The following EEPD1 variants were observed in gnomAD, a reference collection of about 807,000 sequenced individuals.
EEPD1 encodes the protein endonuclease/exonuclease/phosphatase family domain-containing protein 1.
Under a neutral mutation model 46.3 loss-of-function variants are expected in EEPD1, and 17 were observed. That is an observed-to-expected ratio of 0.37 (90% confidence interval 0.25 to 0.55). The LOEUF is 0.55. Ranked by LOEUF, EEPD1 falls within the 20% of genes least tolerant of loss-of-function variation. The pLI is 0.83. For missense variants in EEPD1, 673 were observed against 745.6 expected, an observed-to-expected ratio of 0.90 and a Z score of 1.13; for synonymous variants, 313 against 315.6, an observed-to-expected ratio of 0.99 and a Z score of 0.09.
chr7:36,183,739 A>G (rs1340808314), intron 2 of EEPD1, among the ~76,000 whole-genome samples: 2 of 152,058 alleles, frequency 1.3e-5, no homozygotes, highest in East Asian at 1.9e-4. Flanking sequence ...GTCTCAAACA[A>G]TCTTCCCACC....
At chr7:36,270,971 T>G (rs1755250818) in intron 3 of EEPD1, among the ~76,000 whole-genome samples, 1 of 140,916 alleles carries the variant, frequency 7.1e-6, no homozygotes. Flanking sequence ...AGCTATTGTT[T>G]CCTTTTTATT....
intron 5 of EEPD1, among the ~76,000 whole-genome samples, chr7:36,286,556 C>T (rs1787345188): frequency 6.6e-6 from 1 of 152,230 alleles, no homozygotes; most frequent in Admixed American, 6.5e-5. Context: ...AAACTCTGAC[C>T]CTGTGTTTCT....
chr7:36,185,378 C>G (rs1785347163), intron 2 of EEPD1, among the ~76,000 whole-genome samples: 1 of 152,210 alleles, frequency 6.6e-6, no homozygotes, highest in South Asian at 2.1e-4. Flanking sequence ...GGGTATCCCA[C>G]AGTTTACTTA....
chr7:36,232,944 G>A (rs565756697), intron 2 of EEPD1, among the ~76,000 whole-genome samples: 1 of 152,232 alleles, frequency 6.6e-6, no homozygotes, highest in East Asian at 1.9e-4. Flanking sequence ...ATAGTAGGGA[G>A]AAAAATAGAG....
chr7:36,174,519 C>T (rs1785143143), intron 2 of EEPD1, among the ~76,000 whole-genome samples: 1 of 152,202 alleles, frequency 6.6e-6, no homozygotes, highest in Non-Finnish European at 1.5e-5. Flanking sequence ...ATTACTGCCT[C>T]CCTACCCATG....
chr7:36,207,437 G>C (rs763319119), intron 2 of EEPD1, among the ~76,000 whole-genome samples: 10 of 152,138 alleles, frequency 6.6e-5, no homozygotes, highest in Non-Finnish European at 1.5e-4. Context: ...TTCTGACCCT[G>C]GTATGTCCAT....
At chr7:36,211,066 C>A (rs1374578883) in intron 2 of EEPD1, among the ~76,000 whole-genome samples, 11 of 152,144 alleles carry the variant, frequency 7.2e-5, no homozygotes, top group Admixed American at 7.2e-4. Flanking sequence ...AAGAGCCTCA[C>A]GAGCCTGTCA....
At chr7:36,243,530 T>C (rs1038103073) in intron 3 of EEPD1, among the ~76,000 whole-genome samples, 1 of 152,150 alleles carries the variant, frequency 6.6e-6, no homozygotes, top group Non-Finnish European at 1.5e-5. Context: ...CAACCGGCCT[T>C]TGAGTTTTGT....
chr7:36,298,955 G>A (rs2241141), intron 7 of EEPD1, 52 bp from the exon 8 acceptor site: 451,746 of 1,589,292 alleles, frequency 0.28, 67,014 homozygotes, highest in Non-Finnish European at 0.31. Flanking sequence ...AGGACCTCCC[G>A]CACCCAACCC....
intron 3 of EEPD1, among the ~76,000 whole-genome samples, chr7:36,239,873 A>G (rs1372801424): frequency 2.0e-5 from 3 of 152,320 alleles, no homozygotes; most frequent in Non-Finnish European, 2.9e-5. Context: ...GCAGGTGATA[A>G]TTAGAATCTG....
intron 7 of EEPD1, among the ~76,000 whole-genome samples, chr7:36,297,515 C>T (rs1787547190): frequency 6.6e-6 from 1 of 151,862 alleles, no homozygotes; most frequent in South Asian, 2.1e-4. Context: ...TTTTAGAACA[C>T]CCACTGACCT....
At position 36,154,520 on chromosome 7, in the gene EEPD1, G is replaced by A. The variant is rs1277678012; in HGVS notation, c.196G>A (p.Glu66Lys). ...GCGTGCCGTGGCACGCAGCATCGTG[G>A]AGTACCGAGAGTATATCGGTGGCTT... ...VTRAVARSIV[E>K]YREYIGGFKK... Residue 66 changes from glutamate (E) to lysine (K), a missense_variant, in exon 2 of 8, where the codon GAG (glutamate) becomes AAG (lysine). Physicochemically the swap from Glu to Lys is moderately conservative, Grantham distance 56. Coordinates refer to ENST00000242108, the MANE Select transcript of EEPD1 (RefSeq NM_030636.3). This position sits in a 1 kb window ranked among gnomAD's most constrained non-coding sequence, Gnocchi z 4.2. The A allele has an allele frequency of 5.6e-6, 9 of 1,614,228 alleles. No individual in the cohort carries two copies. The highest frequency in any genetic ancestry group is 6.8e-6 in the Non-Finnish European group (8 of 1,180,036).
At chr7:36,247,468 A>G (rs1260325160) in intron 3 of EEPD1, among the ~76,000 whole-genome samples, 1 of 152,242 alleles carries the variant, frequency 6.6e-6, no homozygotes, top group East Asian at 1.9e-4. Context: ...CCAAAATTAT[A>G]CTGTTTACCA....
intron 3 of EEPD1, among the ~76,000 whole-genome samples, chr7:36,277,841 G>A (rs1787204066): frequency 9.7e-6 from 1 of 103,574 alleles, no homozygotes. Context: ...GATCTGCTCT[G>A]TGGGCTGAGA....
In EEPD1 at chr7:36,176,555, G is replaced by A. The variant is rs137891434; in HGVS notation, c.878+21353G>A. ...TGCAGGTAAAGTATTCTCAGGGTTGGTGATACTCAAGCACTGCTGTTTGTA... is the reference window on the plus strand; with the variant it reads ...TGCAGGTAAAGTATTCTCAGGGTTGATGATACTCAAGCACTGCTGTTTGTA... On this transcript the variant is annotated intron_variant, in intron 2 of 7. Coordinates refer to ENST00000242108, the MANE Select transcript of EEPD1 (RefSeq NM_030636.3). Among the ~76,000 whole-genome samples the A allele has an allele frequency of 8.6e-3, 1,302 of 152,270 alleles. 7 individuals carry two copies. The highest frequency in any genetic ancestry group is 0.041 in the Middle Eastern group (12 of 294).
intron 3 of EEPD1, among the ~76,000 whole-genome samples, chr7:36,259,348 A>G (rs1375821460): frequency 6.6e-6 from 1 of 152,160 alleles, no homozygotes; most frequent in Admixed American, 6.6e-5. Context: ...CTTAGTTCAA[A>G]TTTATACTCT....
intron 3 of EEPD1, among the ~76,000 whole-genome samples, chr7:36,260,687 T>C (rs1174383983): frequency 6.6e-6 from 1 of 152,234 alleles, no homozygotes; most frequent in African/African-American, 2.4e-5. Context: ...TCTAGAAAGA[T>C]CAAGGACCTT....
intron 2 of EEPD1, among the ~76,000 whole-genome samples, chr7:36,161,419 C>G (rs984185930): frequency 2.0e-5 from 3 of 151,938 alleles, no homozygotes; most frequent in Non-Finnish European, 4.4e-5. Context: ...CCTCAGCATT[C>G]GGTCAGGGAT....
intron 2 of EEPD1, among the ~76,000 whole-genome samples, chr7:36,173,325 TA>T (rs34007011): frequency 0.11 from 11,787 of 103,458 alleles, 665 homozygotes; most frequent in Non-Finnish European, 0.15. Flanking sequence ...CGTTTATACT[TA>T]AAAAAAAAAA....
Sources: gnomAD v4.1 joint callset for allele counts (sites outside exome capture counted in the v4.1 genomes callset) on GRCh38, gnomAD v4.1.1 for gene constraint, Gnocchi (gnomAD v3.1) non-coding constraint, MANE v1.5 for transcripts, NCBI Gene and HGNC (gene_info 2026-07-23, HGNC 2026-07-21) for gene names.